The following NIBAN1 variants were observed in gnomAD, a reference collection of about 807,000 sequenced individuals.
NIBAN1 encodes the protein protein Niban 1.
NIBAN1 carries 81 observed loss-of-function variants against 75.1 expected under a neutral mutation model. That is an observed-to-expected ratio of 1.08 (90% CI 0.90 to 1.30). The LOEUF is 1.30. Among genes scored for constraint, NIBAN1 ranks in the 50% most tolerant of loss-of-function variants. NIBAN1 has a pLI of 0.00. For synonymous variants in NIBAN1, 436 were observed against 424.8 expected (o/e 1.03, Z -0.32); for missense variants, 1,133 against 1,128.1 (o/e 1.00, Z -0.06).
chr1:184,805,524 T>G (rs556455516), intron 11 of NIBAN1, among the ~76,000 whole-genome samples: 3 of 152,236 alleles, frequency 2.0e-5, no homozygotes, highest in Non-Finnish European at 4.4e-5. Context: ...TTTGGAGTAT[T>G]TCCTTTGCCA....
intron 10 of NIBAN1, among the ~76,000 whole-genome samples, chr1:184,807,301 T>C (rs933840410): frequency 1.4e-5 from 2 of 143,420 alleles, no homozygotes; most frequent in African/African-American, 2.7e-5. Flanking sequence ...TTCCTGTTAC[T>C]GGGGAAAAGG....
chr1:184,844,697 T>G (rs147245851), intron 5 of NIBAN1, among the ~76,000 whole-genome samples: 79 of 152,344 alleles, frequency 5.2e-4, no homozygotes, highest in Middle Eastern at 3.4e-3. Flanking sequence ...ACTTAAAACT[T>G]TTAACTACTG....
chr1:184,969,270 G>T (rs1472184056), intron 1 of NIBAN1, among the ~76,000 whole-genome samples: 1 of 152,070 alleles, frequency 6.6e-6, no homozygotes, highest in Non-Finnish European at 1.5e-5. Flanking sequence ...AATTATGCAG[G>T]GTTAGTATAT....
At chr1:184,808,284 G>A (rs759879091) in intron 9 of NIBAN1, 49 bp from the exon 10 acceptor site, 3 of 1,566,036 alleles carry the variant, frequency 1.9e-6, no homozygotes, top group Non-Finnish European at 2.6e-6. Context: ...ATGAGGAGCG[G>A]TATTGCATAT....
chr1:184,897,317 T>TGG (rs1656827123), intron 2 of NIBAN1, among the ~76,000 whole-genome samples: 2 of 142,134 alleles, frequency 1.4e-5, no homozygotes, highest in Non-Finnish European at 1.5e-5. Context: ...TGTGTGTGTG[T>TGG]GGTGGGTGGG....
chr1:184,868,704 T>C (rs886702608), intron 5 of NIBAN1: 1 of 150,626 alleles, frequency 6.6e-6, no homozygotes, highest in African/African-American at 2.5e-5. Context: ...CCTCAAATCA[T>C]CTGTTCCTGA....
intron 1 of NIBAN1, among the ~76,000 whole-genome samples, chr1:184,965,604 A>C (rs958480590): frequency 2.9e-4 from 44 of 152,200 alleles, no homozygotes; most frequent in African/African-American, 1.0e-3. Flanking sequence ...GTAAGTACAC[A>C]TGGACACATA....
At chr1:184,854,738 T>G (rs540044267) in intron 5 of NIBAN1, among the ~76,000 whole-genome samples, 2 of 152,204 alleles carry the variant, frequency 1.3e-5, no homozygotes, top group Non-Finnish European at 2.9e-5. Context: ...GCCTCTACTT[T>G]CCACCAAAAA....
chr1:184,924,975 T>C (rs1657646458), intron 1 of NIBAN1, among the ~76,000 whole-genome samples: 1 of 152,144 alleles, frequency 6.6e-6, no homozygotes, highest in Non-Finnish European at 1.5e-5. Context: ...ACCCCACTTT[T>C]TGTTTCATTG....
At chr1:184,880,351 C>T (rs1374468684) in intron 5 of NIBAN1, among the ~76,000 whole-genome samples, 1 of 152,226 alleles carries the variant, frequency 6.6e-6, no homozygotes, top group African/African-American at 2.4e-5. Context: ...ACACTGCAGC[C>T]ATTGTGACCT....
chr1:184,876,192 AAAG>A (rs927278711), intron 5 of NIBAN1, among the ~76,000 whole-genome samples: 8 of 152,040 alleles, frequency 5.3e-5, no homozygotes, highest in African/African-American at 1.9e-4. Context: ...AAAAAAAAGA[AAAG>A]AGGAAGTTGA....
intron 10 of NIBAN1, 74 bp downstream of exon 10, chr1:184,808,000 G>C (rs1191972921): frequency 1.3e-6 from 2 of 1,545,088 alleles, no homozygotes; most frequent in Non-Finnish European, 1.8e-6. Flanking sequence ...CTAGCAGCTG[G>C]TCTCACTGGC....
chr1:184,858,991 A>G (rs1655747445), intron 5 of NIBAN1, among the ~76,000 whole-genome samples: 1 of 152,076 alleles, frequency 6.6e-6, no homozygotes, highest in Admixed American at 6.5e-5. Context: ...AAAAACCCCT[A>G]TAATATATGT....
intron 6 of NIBAN1, among the ~76,000 whole-genome samples, chr1:184,827,379 G>A (rs146809198): frequency 0.033 from 5,053 of 151,824 alleles, 132 homozygotes; most frequent in Non-Finnish European, 0.046. Context: ...CCTCCCCAGA[G>A]CCCACTCTGG....
At chr1:184,823,448 G>A in intron 7 of NIBAN1, 119 bp from the exon 8 acceptor site, 3 of 1,375,260 alleles carry the variant, frequency 2.2e-6, no homozygotes, top group South Asian at 2.8e-5. Context: ...CACACACATT[G>A]TAATTTTTCT....
intron 5 of NIBAN1, among the ~76,000 whole-genome samples, chr1:184,856,322 A>G (rs1236664599): frequency 6.6e-6 from 1 of 152,118 alleles, no homozygotes; most frequent in African/African-American, 2.4e-5. Flanking sequence ...TAAAATGGCA[A>G]TCTTATTCAT....
chr1:184,855,803 A>G (rs1655662483), intron 5 of NIBAN1, among the ~76,000 whole-genome samples: 1 of 152,216 alleles, frequency 6.6e-6, no homozygotes, highest in Non-Finnish European at 1.5e-5. Context: ...CTTGGCACAC[A>G]CTATATACTC....
chr1:184,933,149 G>A (rs1161891031), intron 1 of NIBAN1, among the ~76,000 whole-genome samples: 1 of 152,142 alleles, frequency 6.6e-6, no homozygotes, highest in Non-Finnish European at 1.5e-5. Flanking sequence ...TCCCACCAAA[G>A]TAGACTGCCA....
Position 184,930,999 on chromosome 1 carries a change from T to C in NIBAN1, c.56-31690A>G, listed in dbSNP as rs200786437. On this transcript the variant is annotated intron_variant, in intron 1 of 13. Transcript: ENST00000367511. ...TTCTAAGTGCACTTTTTCTTCTTCT[T>C]TTTTTTTTTTTTTTTTTTGAGACTG... Among the ~76,000 whole-genome samples, 169 of 40,410 alleles carry C rather than the reference T, an allele frequency of 4.2e-3. 5 individuals are homozygous for C. Among genetic ancestry groups the C allele is most frequent in the South Asian group, 0.011 (10 of 926 alleles). 26.5% of individuals were successfully genotyped at this position (40,410 alleles called of 152,430 possible).
Sources: allele counts gnomAD v4.1 joint callset (sites outside exome capture counted in the v4.1 genomes callset), GRCh38; gene constraint gnomAD v4.1.1; transcripts MANE v1.5; gene names NCBI Gene and HGNC (gene_info 2026-07-23, HGNC 2026-07-21).